The following SHC2 variants were observed in gnomAD, a reference collection of about 807,000 sequenced individuals.
SHC2 encodes the protein SHC adaptor protein 2.
Under a neutral mutation model 60.6 loss-of-function variants are expected in SHC2, and 62 were observed. That is an observed-to-expected ratio of 1.02 (90% CI 0.83 to 1.26). The LOEUF is 1.26. SHC2 is among the 50% of genes most tolerant of loss of function. SHC2 has a pLI of 0.00. For missense variants in SHC2, 873 were observed against 822.2 expected (o/e 1.06, Z -0.76); for synonymous variants, 375 against 372.4 (o/e 1.01, Z -0.08).
rs542029991 is a variant in SHC2, at chr19:444,819, G to A, written c.469-3887C>T. ...CTCGCTAACTCAGGGCGCTTGTCAC[G>A]TGTGAGGCTCTGCTGTGGACACACT... On this transcript the variant is annotated intron_variant, in intron 1 of 12. Transcript: ENST00000264554. Among the ~76,000 whole-genome samples the A allele has an allele frequency of 7.9e-5, 12 of 152,368 alleles. No individual in the cohort carries two copies. In the East Asian group the frequency reaches 1.3e-3, roughly 17 times the overall value.
Position 460,939 on chromosome 19 carries a change from C to T in SHC2, c.58G>A (p.Glu20Lys). Residue 20 changes from glutamate (E) to lysine (K), a missense_variant, in exon 1 of 13, where the codon GAG becomes AAG. By Grantham distance (56) the Glu-to-Lys change is moderately conservative. Transcript: ENST00000264554. ...AACGCGCAGAAGGTGGTGGGCGCCT[C>T]GGGCTCGGGGGGCGCGGGGGGCGCC... ...PPAPPAPPEP[E>K]APTTFCALLP... is the part of the protein sequence containing the mutation. 4 of 988,392 alleles carry T rather than the reference C, an allele frequency of 4.0e-6. No individual in the cohort carries two copies. The highest frequency in any genetic ancestry group is 4.8e-6 in the Non-Finnish European group (4 of 833,368). The allele number at this position is 988,392 out of a possible 1,614,324, so 61.2% of individuals were successfully genotyped here.
intron 5 of SHC2, 59 bp downstream of exon 5, chr19:436,571 G>T: frequency 6.3e-7 from 1 of 1,587,014 alleles, no homozygotes; most frequent in Non-Finnish European, 8.6e-7. Context: ...AGGATGAGAG[G>T]GTCTCGCGGC....
chr19:440,490 C>G lies in SHC2; in HGVS notation c.539+372G>C, dbSNP rs1010998311. ...AGCCCCTGTGATTGCTTTCCAGACA[C>G]CGCATAGCATCCTGAGGTCACCGTG... On this transcript the variant is annotated intron_variant, in intron 2 of 12. Coordinates refer to ENST00000264554, the MANE Select transcript of SHC2 (RefSeq NM_012435.3). The surrounding 1 kb of genome is among the most constrained non-coding windows in gnomAD (Gnocchi z 7.0). 6.6e-6 allele frequency among the ~76,000 whole-genome samples: 1 copy of G among 152,196 alleles called. No individual in the cohort carries two copies. The highest frequency in any genetic ancestry group is 1.5e-5 in the Non-Finnish European group (1 of 68,042).
intron 9 of SHC2, among the ~76,000 whole-genome samples, chr19:427,139 T>C (rs1461530917): frequency 6.6e-6 from 1 of 152,168 alleles, no homozygotes; most frequent in Non-Finnish European, 1.5e-5. Context: ...TCTGACCAGC[T>C]CGAGGGCTCT....
intron 2 of SHC2, 36 bp from the exon 3 acceptor site, chr19:439,066 GGGGGTGGCCATGGA>G (rs1974790907): frequency 6.7e-7 from 1 of 1,503,034 alleles, no homozygotes; most frequent in Non-Finnish European, 9.1e-7. Flanking sequence ...AGAGTGTGGT[GGGGGTGGCCATGGA>G]GGGAGCTGGG....
At position 445,803 on chromosome 19, in the gene SHC2, G is replaced by GCA; in HGVS notation, c.469-4872_469-4871insTG. 6.6e-6 allele frequency among the ~76,000 whole-genome samples: 1 copy of GCA among 152,284 alleles called. No homozygotes were observed. Among genetic ancestry groups the GCA allele is most frequent in the South Asian group, 2.1e-4 (1 of 4,820 alleles). ...AATCCCAGCACTTTGGGAGGCCGAGGTGAGTGGATCACTTGAGGTCAGGAG... is the reference window on the plus strand; with the variant it reads ...AATCCCAGCACTTTGGGAGGCCGAGGCATGAGTGGATCACTTGAGGTCAGGAG... On this transcript the variant is annotated intron_variant, in intron 1 of 12. Coordinates refer to ENST00000264554, the MANE Select transcript of SHC2 (RefSeq NM_012435.3). This position sits in a 1 kb window ranked among gnomAD's most constrained non-coding sequence, Gnocchi z 4.4.
chr19:428,741 C>G (rs999634323), intron 9 of SHC2, among the ~76,000 whole-genome samples: 15 of 152,264 alleles, frequency 9.9e-5, no homozygotes, highest in African/African-American at 3.1e-4. Context: ...ACCATGTGGA[C>G]GAATGCAGTA....
chr19:460,998 G>T lies in SHC2; in HGVS notation c.-2C>A. 2 of 959,002 alleles carry T rather than the reference G, an allele frequency of 2.1e-6. No homozygotes were observed. Among genetic ancestry groups the T allele is most frequent in the Non-Finnish European group, 2.5e-6 (2 of 805,884 alleles). The allele number at this position is 959,002 out of a possible 1,614,324, so 59.4% of individuals were successfully genotyped here. On this transcript the variant is annotated 5_prime_UTR_variant, in exon 1 of 13. Transcript: ENST00000264554. The stretch of plus-strand genomic sequence containing the variant: ...GCGCCCGCCCGGACCCTGCGTCATG[G>T]CCGCGGCCGCCCGACGGAGCCCGAC...
chr19:442,918 GGTGGATGGGTGGATGGATGGGTGGGTGA>G, intron 1 of SHC2, among the ~76,000 whole-genome samples: 1 of 18,038 alleles, frequency 5.5e-5, no homozygotes, highest in Admixed American at 5.4e-4. Flanking sequence ...TGGACGGGTG[GGTGGATGGGTGGATGGATGGGTGGGTGA>G]ATGGATGGAT....
At chr19:430,920 C>T (rs990155704) in intron 8 of SHC2, among the ~76,000 whole-genome samples, 173 bp from the exon 9 acceptor site, 35 of 152,196 alleles carry the variant, frequency 2.3e-4, no homozygotes, top group Non-Finnish European at 4.1e-4. Context: ...CTGGGTCTGC[C>T]GCCCACCTCT....
rs1600325344 is a variant in SHC2 at position 453,889 on chromosome 19, G to A, written c.468+6640C>T. On this transcript the variant is annotated intron_variant, in intron 1 of 12. Transcript: ENST00000264554. The surrounding 1 kb of genome is among the most constrained non-coding windows in gnomAD (Gnocchi z 6.3). The stretch of plus-strand genomic sequence containing the variant: ...GTGAGGTGCGTGAGGGCACCGCAGA[G>A]AGCAGGACGGCCTGACTCACGGGAC... Among the ~76,000 whole-genome samples the A allele has an allele frequency of 6.6e-6, 1 of 152,232 alleles. No homozygotes were observed. Among genetic ancestry groups the A allele is most frequent in the Non-Finnish European group, 1.5e-5 (1 of 68,040 alleles).
intron 8 of SHC2, 88 bp downstream of exon 8, chr19:434,621 C>T: frequency 8.5e-7 from 1 of 1,175,242 alleles, no homozygotes; most frequent in Non-Finnish European, 1.1e-6. Context: ...TCGAGGAGAA[C>T]AGGAGCAGAA....
intron 8 of SHC2, 116 bp downstream of exon 8, chr19:434,593 A>G: frequency 2.3e-6 from 2 of 882,800 alleles, no homozygotes; most frequent in Non-Finnish European, 3.0e-6. Flanking sequence ...AGTCTGAGTG[A>G]GAGACCCTCC....
chr19:457,512 T>A (rs575570758), intron 1 of SHC2, among the ~76,000 whole-genome samples: 1 of 152,266 alleles, frequency 6.6e-6, no homozygotes, highest in Non-Finnish European at 1.5e-5. Context: ...GCAGAGCCGC[T>A]ACCAGAACCT....
rs2145738583 is a variant in SHC2 at position 445,328 on chromosome 19, C to T, written c.469-4396G>A. Reference sequence around the variant, plus strand: ...AAGAGACCCCAGACAGAGCCCAGCCCTCCACCACGTGAGGACACAGGAGAA... The same window carrying T: ...AAGAGACCCCAGACAGAGCCCAGCCTTCCACCACGTGAGGACACAGGAGAA... On this transcript the variant is annotated intron_variant, in intron 1 of 12. Transcript: ENST00000264554. The surrounding 1 kb of genome is among the most constrained non-coding windows in gnomAD (Gnocchi z 4.4). Among the ~76,000 whole-genome samples the T allele has an allele frequency of 6.6e-6, 1 of 152,306 alleles. No homozygotes were observed. Among genetic ancestry groups the T allele is most frequent in the South Asian group, 2.1e-4 (1 of 4,826 alleles).
intron 1 of SHC2, among the ~76,000 whole-genome samples, chr19:454,761 G>C (rs1238728746): frequency 1.3e-5 from 2 of 151,470 alleles, no homozygotes; most frequent in South Asian, 4.2e-4. Context: ...CGGCACTCCA[G>C]CCTCAGCAAC....
chr19:443,698 A>ATGGATGGATGGGTGGGTGG (rs1974973551), intron 1 of SHC2, among the ~76,000 whole-genome samples: 4 of 142,026 alleles, frequency 2.8e-5, no homozygotes. Flanking sequence ...GGGTGGGTGG[A>ATGGATGGATGGGTGGGTGG]TGAATGGATG....
At chr19:455,035 G>A (rs1975304256) in intron 1 of SHC2, among the ~76,000 whole-genome samples, 1 of 152,236 alleles carries the variant, frequency 6.6e-6, no homozygotes, top group South Asian at 2.1e-4. Flanking sequence ...GGGTCAGGGT[G>A]ACCTGAATCC....
Position 422,556 on chromosome 19 carries a change from T to C in SHC2, c.1310-100A>G. On this transcript the variant is annotated intron_variant, in intron 10 of 12. Transcript: ENST00000264554. This position sits in a 1 kb window ranked among gnomAD's most constrained non-coding sequence, Gnocchi z 5.0. The stretch of plus-strand genomic sequence containing the variant: ...AACGGGTTCCCCGGGGAGTCCCTCG[T>C]GCACCCGTCGGCCTGCGCTGACCGA... 1 of 968,608 alleles carries C rather than the reference T, an allele frequency of 1.0e-6. No homozygotes were observed. The allele number at this position is 968,608 out of a possible 1,614,324, so 60.0% of individuals were successfully genotyped here.
Sources: gnomAD v4.1 joint callset for allele counts (sites outside exome capture counted in the v4.1 genomes callset) on GRCh38, gnomAD v4.1.1 for gene constraint, Gnocchi (gnomAD v3.1) non-coding constraint, MANE v1.5 for transcripts, NCBI Gene and HGNC (gene_info 2026-07-23, HGNC 2026-07-21) for gene names.